The following LRMDA variants were observed in gnomAD, a reference collection of about 807,000 sequenced individuals.
LRMDA encodes the protein leucine rich melanocyte differentiation associated.
A neutral mutation model predicts 29.8 loss-of-function variants in LRMDA; 18 were observed. The ratio of observed to expected loss-of-function variants is 0.60; its 90% confidence interval spans 0.42 to 0.90. LRMDA has a LOEUF of 0.90. LRMDA is among the 40% of genes least tolerant of loss of function. The pLI, the probability that LRMDA is intolerant of heterozygous loss-of-function variation, is 0.00. For missense variants in LRMDA, 273 were observed against 273.9 expected, an observed-to-expected ratio of 1.00 and a Z score of 0.02; for synonymous variants, 125 against 109.4, an observed-to-expected ratio of 1.14 and a Z score of -0.89.
intron 6 of LRMDA, among the ~76,000 whole-genome samples, chr10:76,439,252 GA>G (rs756894302): frequency 1.1e-3 from 160 of 152,140 alleles, no homozygotes; most frequent in Non-Finnish European, 2.0e-3. Context: ...GCCCCAAAGA[GA>G]ATTTTTTTAA....
chr10:75,753,098 A>G (rs961279202), intron 2 of LRMDA, among the ~76,000 whole-genome samples: 1 of 152,046 alleles, frequency 6.6e-6, no homozygotes, highest in Non-Finnish European at 1.5e-5. Context: ...CTTTTCCTCC[A>G]TATGTAAAAT....
chr10:75,645,945 C>G (rs1460703222), intron 2 of LRMDA, among the ~76,000 whole-genome samples: 1 of 151,812 alleles, frequency 6.6e-6, no homozygotes, highest in Non-Finnish European at 1.5e-5. Context: ...CTCCATTTCA[C>G]TCTTTTCCTT....
chr10:75,559,140 T>A (rs1488020873), intron 2 of LRMDA, among the ~76,000 whole-genome samples: 2 of 152,030 alleles, frequency 1.3e-5, no homozygotes, highest in East Asian at 3.9e-4. Context: ...TAGTTTACAG[T>A]CCCACCAACA....
chr10:76,129,759 C>T (rs1221201446), intron 5 of LRMDA, among the ~76,000 whole-genome samples: 1 of 152,130 alleles, frequency 6.6e-6, no homozygotes, highest in African/African-American at 2.4e-5. Flanking sequence ...CTTGTATATA[C>T]CTACACACAC....
At chr10:75,886,118 A>G (rs1436763497) in intron 2 of LRMDA, among the ~76,000 whole-genome samples, 1 of 152,216 alleles carries the variant, frequency 6.6e-6, no homozygotes, top group African/African-American at 2.4e-5. Flanking sequence ...TCTCTTGTAC[A>G]TAACAGAAAG....
At chr10:75,849,704 A>G (rs773735525) in intron 2 of LRMDA, among the ~76,000 whole-genome samples, 23 of 152,220 alleles carry the variant, frequency 1.5e-4, no homozygotes, top group Non-Finnish European at 2.8e-4. Flanking sequence ...CCACCATGGT[A>G]CACGTTTACC....
intron 6 of LRMDA, among the ~76,000 whole-genome samples, chr10:76,453,692 A>T (rs1564545962): frequency 6.6e-6 from 1 of 152,188 alleles, no homozygotes; most frequent in Non-Finnish European, 1.5e-5. Flanking sequence ...ACACTAAAAA[A>T]TTTATGTTTT....
intron 2 of LRMDA, among the ~76,000 whole-genome samples, chr10:75,466,101 A>G (rs911578906): frequency 6.6e-6 from 1 of 152,232 alleles, no homozygotes; most frequent in Non-Finnish European, 1.5e-5. Context: ...TTTGGGGGCT[A>G]GGGTTCGAGA....
chr10:75,872,429 G>A (rs369667295), intron 2 of LRMDA, among the ~76,000 whole-genome samples: 19 of 152,040 alleles, frequency 1.2e-4, no homozygotes, highest in South Asian at 8.3e-4. Flanking sequence ...TCAGCCTCCC[G>A]CGTAGCTGGG....
At chr10:76,084,090 A>G (rs1279425564) in intron 5 of LRMDA, among the ~76,000 whole-genome samples, 1 of 152,196 alleles carries the variant, frequency 6.6e-6, no homozygotes, top group Non-Finnish European at 1.5e-5. Context: ...AGGCACAACA[A>G]TTTGTTGGAG....
At chr10:75,874,352 G>A (rs763199699) in intron 2 of LRMDA, among the ~76,000 whole-genome samples, 2 of 152,156 alleles carry the variant, frequency 1.3e-5, no homozygotes, top group Admixed American at 6.5e-5. Flanking sequence ...ATTTTCAACA[G>A]TGCCATCACA....
At chr10:76,454,075 A>G (rs1842432722) in intron 6 of LRMDA, among the ~76,000 whole-genome samples, 1 of 152,200 alleles carries the variant, frequency 6.6e-6, no homozygotes, top group African/African-American at 2.4e-5. Context: ...GCTTACCACG[A>G]CAACCGTTTC....
chr10:75,522,192 G>A (rs564215255), intron 2 of LRMDA, among the ~76,000 whole-genome samples: 1 of 152,326 alleles, frequency 6.6e-6, no homozygotes, highest in South Asian at 2.1e-4. Flanking sequence ...GCCCTGTGAA[G>A]TAGATACTGC....
chr10:75,719,779 A>G (rs1405787557), intron 2 of LRMDA, among the ~76,000 whole-genome samples: 1 of 152,184 alleles, frequency 6.6e-6, no homozygotes, highest in East Asian at 1.9e-4. Flanking sequence ...CGGTTCTATT[A>G]CAGAGAGCAG....
At chr10:75,653,453 A>G (rs950043007) in intron 2 of LRMDA, among the ~76,000 whole-genome samples, 1 of 152,158 alleles carries the variant, frequency 6.6e-6, no homozygotes, top group Non-Finnish European at 1.5e-5. Flanking sequence ...ATAAAGGAGG[A>G]CTCTAAATCT....
At chr10:75,493,930 A>AT (rs1564785324) in intron 2 of LRMDA, among the ~76,000 whole-genome samples, 1 of 151,240 alleles carries the variant, frequency 6.6e-6, no homozygotes. Flanking sequence ...AATTATTATT[A>AT]TTTTTTAGAG....
intron 2 of LRMDA, among the ~76,000 whole-genome samples, chr10:75,544,762 G>A (rs936212576): frequency 6.6e-6 from 1 of 151,864 alleles, no homozygotes. Flanking sequence ...CAATCGAAAT[G>A]TTTTCATTTT....
chr10:75,977,684 T>A (rs1847098381), intron 2 of LRMDA, among the ~76,000 whole-genome samples: 1 of 152,130 alleles, frequency 6.6e-6, no homozygotes, highest in South Asian at 2.1e-4. Flanking sequence ...ACTTTAGCCT[T>A]TGGGGAGCTG....
At chr10:76,211,680 G>C (rs1003489451) in intron 5 of LRMDA, among the ~76,000 whole-genome samples, 7 of 152,210 alleles carry the variant, frequency 4.6e-5, no homozygotes, top group Non-Finnish European at 1.0e-4. Flanking sequence ...ATCAGTTGTT[G>C]GGAGTGTCTT....
Sources: gnomAD v4.1 joint callset for allele counts (sites outside exome capture counted in the v4.1 genomes callset) on GRCh38, gnomAD v4.1.1 for gene constraint, MANE v1.5 for transcripts, NCBI Gene and HGNC (gene_info 2026-07-23, HGNC 2026-07-21) for gene names.